Variants in THAP3 observed in about 807,000 individuals in gnomAD.
THAP3 encodes THAP domain-containing protein 3.
Under a neutral mutation model 17.7 loss-of-function variants are expected in THAP3, and 12 were observed. That is an observed-to-expected ratio of 0.68 (90% CI 0.43 to 1.10). The LOEUF is 1.10. Among genes scored for constraint, THAP3 ranks in the 50% least tolerant of loss-of-function variants. The pLI is 0.00. For synonymous variants in THAP3, 133 were observed against 126.9 expected, an observed-to-expected ratio of 1.05 and a Z score of -0.32; for missense variants, 289 against 318.0, an observed-to-expected ratio of 0.91 and a Z score of 0.69.
chr1:6,625,202 G>T lies in THAP3; in HGVS notation c.-17G>T, dbSNP rs1641428461. 2 of 1,537,484 alleles carry T rather than the reference G, an allele frequency of 1.3e-6. No individual in the cohort carries two copies. The highest frequency in any genetic ancestry group is 8.7e-7 in the Non-Finnish European group (1 of 1,144,074). The stretch of plus-strand genomic sequence containing the variant: ...GCCGCCGCCATCTTTGTTGGGGGCA[G>T]CCAGGCCTGGCTCGAGATGCCGAAG... On this transcript the variant is annotated 5_prime_UTR_variant, in exon 2 of 6. Transcript: ENST00000054650.
At chr1:6,626,714 C>T (rs1459847977) in intron 2 of THAP3, among the ~76,000 whole-genome samples, 1 of 152,196 alleles carries the variant, frequency 6.6e-6, no homozygotes, top group Non-Finnish European at 1.5e-5. Flanking sequence ...GGCGTGGTAG[C>T]GCGCACCTGA....
At chr1:6,631,374 T>C (rs2148720201) in intron 4 of THAP3, among the ~76,000 whole-genome samples, 2 of 152,252 alleles carry the variant, frequency 1.3e-5, no homozygotes, top group East Asian at 3.9e-4. Flanking sequence ...ACGCTTATAA[T>C]CCCAGCAGTT....
chr1:6,625,159 C>A lies in THAP3; in HGVS notation c.-60C>A. 6.6e-7 allele frequency: 1 copy of A among 1,511,562 alleles called. No individual in the cohort carries two copies. The highest frequency in any genetic ancestry group is 8.8e-7 in the Non-Finnish European group (1 of 1,130,588). The allele number at this position is 1,511,562 out of a possible 1,614,324, so 93.6% of individuals were successfully genotyped here. A position where few individuals can be genotyped will look rare whatever the true frequency, so the allele number is the denominator to read the frequency against. On this transcript the variant is annotated 5_prime_UTR_variant, in exon 2 of 6. Transcript: ENST00000054650. ...CCGCCCCTCCCCGCAGGTCCCTCCCCTCTCCGCAGGCCCCGCCGCCGCCGC... is the reference window on the plus strand; with the variant it reads ...CCGCCCCTCCCCGCAGGTCCCTCCCATCTCCGCAGGCCCCGCCGCCGCCGC...
chr1:6,628,281 G>T, intron 2 of THAP3: 1 of 508,568 alleles, frequency 2.0e-6, no homozygotes, highest in Non-Finnish European at 3.4e-6. Context: ...GCTCACTTGG[G>T]CTCTCTGGCC....
chr1:6,626,958 G>A (rs962210592), intron 2 of THAP3, among the ~76,000 whole-genome samples: 8 of 152,176 alleles, frequency 5.3e-5, no homozygotes, highest in Admixed American at 4.6e-4. Context: ...GAGTTGCTGC[G>A]CCTTCTCTCT....
downstream of THAP3, chr1:6,635,552 A>G (rs1641747315): frequency 9.4e-7 from 1 of 1,060,504 alleles, no homozygotes; most frequent in African/African-American, 1.6e-5. Context: ...TGATAATGGT[A>G]CCACCTTCTA....
downstream of THAP3, chr1:6,634,520 G>A (rs1356465907): frequency 2.9e-6 from 4 of 1,358,590 alleles, no homozygotes; most frequent in Non-Finnish European, 3.9e-6. Context: ...CCCCGCGCCA[G>A]CTGTCTCAGC....
At position 6,625,196 on chromosome 1, in the gene THAP3, G is replaced by T. The variant is rs775308752; in HGVS notation, c.-23G>T. 2.0e-6 allele frequency: 3 copies of T among 1,536,376 alleles called. No individual in the cohort carries two copies. Among genetic ancestry groups the T allele is most frequent in the African/African-American group, 2.8e-5 (2 of 71,412 alleles). On this transcript the variant is annotated 5_prime_UTR_variant, in exon 2 of 6. Coordinates refer to ENST00000054650, the MANE Select transcript of THAP3 (RefSeq NM_001195753.2). ...CCCGCCGCCGCCGCCATCTTTGTTG[G>T]GGGCAGCCAGGCCTGGCTCGAGATG... is the stretch of plus-strand genomic sequence containing the variant.
chr1:6,628,741 T>C, intron 3 of THAP3, 50 bp downstream of exon 3: 5 of 1,548,730 alleles, frequency 3.2e-6, no homozygotes, highest in Non-Finnish European at 4.4e-6. Context: ...CTGCGTTGTT[T>C]ACCAGCAGCT....
intron 3 of THAP3, among the ~76,000 whole-genome samples, chr1:6,629,189 C>T (rs1173158845): frequency 6.6e-6 from 1 of 152,168 alleles, no homozygotes; most frequent in African/African-American, 2.4e-5. Context: ...GGGCCTGGCT[C>T]AGGAGAGGGC....
At chr1:6,631,235 T>G (rs547440590) in intron 4 of THAP3, among the ~76,000 whole-genome samples, 1 of 151,080 alleles carries the variant, frequency 6.6e-6, no homozygotes, top group Non-Finnish European at 1.5e-5. Flanking sequence ...CAGTCTGGTC[T>G]CAAACTCTTG....
intron 2 of THAP3, among the ~76,000 whole-genome samples, chr1:6,626,360 C>G (rs762370221): frequency 6.6e-6 from 1 of 151,902 alleles, no homozygotes; most frequent in Non-Finnish European, 1.5e-5. Context: ...ACCTGGACCC[C>G]CTCCCAGGCC....
chr1:6,634,575 T>C (rs775558318), downstream of THAP3: 18 of 1,365,860 alleles, frequency 1.3e-5, no homozygotes, highest in South Asian at 1.5e-4. Context: ...CAAGAGCAAC[T>C]GATGGCTGCC....
downstream of THAP3, chr1:6,634,691 G>T (rs368256065): frequency 3.7e-6 from 5 of 1,366,066 alleles, no homozygotes; most frequent in Non-Finnish European, 9.8e-7. Context: ...AAGTGGGCAC[G>T]TGGAGGAAGG....
rs142595532 is a variant in THAP3, at chr1:6,626,837, C to T, written c.74+1545C>T. ...CTCCATCTTGGGCAACAGAGCGAGACTCCGTCTCAAAAAACAAAACAAAAC... is the reference window on the plus strand; with the variant it reads ...CTCCATCTTGGGCAACAGAGCGAGATTCCGTCTCAAAAAACAAAACAAAAC... On this transcript the variant is annotated intron_variant, in intron 2 of 5. Coordinates refer to ENST00000054650, the MANE Select transcript of THAP3 (RefSeq NM_001195753.2). 8.1e-3 allele frequency among the ~76,000 whole-genome samples: 1,234 copies of T among 152,338 alleles called. 15 individuals are homozygous for T. The highest frequency in any genetic ancestry group is 0.028 in the African/African-American group (1,166 of 41,578).
intron 2 of THAP3, 64 bp downstream of exon 2, chr1:6,625,356 G>C (rs143084975): frequency 0.027 from 38,677 of 1,426,754 alleles, 625 homozygotes; most frequent in Non-Finnish European, 0.03. Context: ...CGACTCCGAG[G>C]CCTTGGCGCG....
chr1:6,633,103 T>G lies in THAP3; in HGVS notation c.*26T>G. The G allele has an allele frequency of 6.4e-7, 1 of 1,572,928 alleles. No homozygotes were observed. The highest frequency in any genetic ancestry group is 8.6e-7 in the Non-Finnish European group (1 of 1,160,302). ...GCCCCACAGGCTCCGGACGCAGAGG[T>G]GGCAGTGGCACCAGGGCCGGCAGAG... On this transcript the variant is annotated 3_prime_UTR_variant, in exon 6 of 6. Coordinates refer to ENST00000054650, the MANE Select transcript of THAP3 (RefSeq NM_001195753.2).
downstream of THAP3, chr1:6,634,037 A>G: frequency 1.9e-6 from 3 of 1,613,724 alleles, no homozygotes; most frequent in Non-Finnish European, 2.5e-6. Context: ...TGTTTAATGT[A>G]GAAAATGGAA....
At chr1:6,625,352 C>T (rs1009552873) in intron 2 of THAP3, 60 bp downstream of exon 2, 10 of 1,451,288 alleles carry the variant, frequency 6.9e-6, no homozygotes, top group South Asian at 1.3e-5. Context: ...GGACCGACTC[C>T]GAGGCCTTGG....
Sources: allele counts gnomAD v4.1 joint callset (sites outside exome capture counted in the v4.1 genomes callset), GRCh38; gene constraint gnomAD v4.1.1; transcripts MANE v1.5; gene names NCBI Gene and HGNC (gene_info 2026-07-23, HGNC 2026-07-21).